DPP10: variants seen among roughly 807,000 people sequenced by gnomAD.
DPP10 encodes inactive dipeptidyl peptidase 10.
A neutral mutation model predicts 120.9 loss-of-function variants in DPP10; 33 were observed. The ratio of observed to expected loss-of-function variants is 0.27; its 90% CI spans 0.21 to 0.37. The LOEUF (loss-of-function observed/expected upper bound fraction) is 0.37, where lower values mean the gene tolerates loss of function less well. DPP10 is among the 10% of genes least tolerant of loss of function. The probability of loss-of-function intolerance (pLI) is 1.00; values close to 1 mark genes in which losing one functional copy is unlikely to be tolerated. For synonymous variants in DPP10, 337 were observed against 326.1 expected (o/e 1.03, Z -0.36); for missense variants, 816 against 942.8 (o/e 0.87, Z 1.76).
intron 3 of DPP10, among the ~76,000 whole-genome samples, chr2:115,448,459 GC>G (rs1461911001): frequency 6.6e-6 from 1 of 152,110 alleles, no homozygotes; most frequent in African/African-American, 2.4e-5. Context: ...AGCCAAGTGA[GC>G]CCCCTCCTCC....
At chr2:115,484,155 CAA>C (rs2075622954) in intron 3 of DPP10, among the ~76,000 whole-genome samples, 10 of 150,740 alleles carry the variant, frequency 6.6e-5, no homozygotes, top group African/African-American at 2.2e-4. Context: ...CCCCCACACA[CAA>C]ACACACAGGT....
chr2:115,303,012 C>T (rs1271012372), intron 1 of DPP10, among the ~76,000 whole-genome samples: 1 of 151,972 alleles, frequency 6.6e-6, no homozygotes, highest in East Asian at 1.9e-4. Context: ...TAACTGATGT[C>T]TTGTAGGAAA....
At chr2:115,739,316 G>A (rs1676968875) in intron 8 of DPP10, among the ~76,000 whole-genome samples, 1 of 151,904 alleles carries the variant, frequency 6.6e-6, no homozygotes, top group African/African-American at 2.4e-5. Context: ...TTTTCTTAGA[G>A]CTTAAAATAG....
At chr2:115,491,439 T>C (rs533840872) in intron 3 of DPP10, among the ~76,000 whole-genome samples, 9 of 152,238 alleles carry the variant, frequency 5.9e-5, no homozygotes, top group Non-Finnish European at 8.8e-5. Flanking sequence ...GAGCCCTTTC[T>C]CTTACAGACT....
chr2:115,151,474 C>T (rs1319859509), intron 1 of DPP10, among the ~76,000 whole-genome samples: 3 of 144,332 alleles, frequency 2.1e-5, no homozygotes. Flanking sequence ...ATGGTGTGAT[C>T]TCGGCTCACT....
chr2:114,941,810 C>A (rs1696921666), intron 1 of DPP10, among the ~76,000 whole-genome samples: 1 of 152,140 alleles, frequency 6.6e-6, no homozygotes, highest in South Asian at 2.1e-4. Context: ...TGTATTCATT[C>A]TGTCACACCT....
chr2:114,939,236 G>C (rs1445718286), intron 1 of DPP10, among the ~76,000 whole-genome samples: 1 of 152,220 alleles, frequency 6.6e-6, no homozygotes, highest in South Asian at 2.1e-4. Context: ...TTCATGATGA[G>C]TGGGCTGAGG....
At position 115,279,655 on chromosome 2, in the gene DPP10, C is replaced by CTTTTTTTTTTT; in HGVS notation, c.61-29567_61-29557dup. Among the ~76,000 whole-genome samples the CTTTTTTTTTTT allele has an allele frequency of 4.0e-4, 17 of 42,718 alleles. 3 individuals carry two copies. The highest frequency in any genetic ancestry group is 8.7e-4 in the African/African-American group (8 of 9,158). 28.0% of individuals were successfully genotyped at this position (42,718 alleles called of 152,430 possible). A position where few individuals can be genotyped will look rare whatever the true frequency, so the allele number is the denominator to read the frequency against. On this transcript the variant is annotated intron_variant, in intron 1 of 25. Transcript: ENST00000410059. ...TTTCTTTCTTTCTTTTTTTCTTCTT[C>CTTTTTTTTTTT]TTTTTTTTTTTTTTTTTTTTTTTTT...
At chr2:114,578,956 C>T (rs1690275668) in intron 1 of DPP10, among the ~76,000 whole-genome samples, 1 of 152,184 alleles carries the variant, frequency 6.6e-6, no homozygotes, top group South Asian at 2.1e-4. Context: ...CTAACATAGG[C>T]ATCCAGCCTC....
chr2:115,499,298 A>C (rs150735215), intron 3 of DPP10, among the ~76,000 whole-genome samples: 2 of 152,202 alleles, frequency 1.3e-5, no homozygotes, highest in Non-Finnish European at 2.9e-5. Flanking sequence ...CCCTCATACT[A>C]ACCCCTTGTT....
At chr2:115,371,075 G>T (rs759247625) in intron 3 of DPP10, among the ~76,000 whole-genome samples, 9 of 152,026 alleles carry the variant, frequency 5.9e-5, no homozygotes, top group Non-Finnish European at 1.3e-4. Context: ...TATAGTGCTG[G>T]CTACATTTAT....
At chr2:115,474,143 A>T (rs1252540303) in intron 3 of DPP10, among the ~76,000 whole-genome samples, 1 of 151,590 alleles carries the variant, frequency 6.6e-6, no homozygotes, top group Non-Finnish European at 1.5e-5. Context: ...GGCAATTATG[A>T]ACACACACTA....
At position 114,765,374 on chromosome 2, in the gene DPP10, A is replaced by G. The variant is rs577173558; in HGVS notation, c.60+322536A>G. Among the ~76,000 whole-genome samples the G allele has an allele frequency of 1.9e-4, 29 of 152,288 alleles. No individual in the cohort carries two copies. In the South Asian group the frequency reaches 4.6e-3, roughly 24 times the overall value. On this transcript the variant is annotated intron_variant, in intron 1 of 25. Transcript: ENST00000410059. ...AAAATGGTTCTGATATATCCCAAAG[A>G]GGTTATGAATTGCATCATTTACCTA...
intron 1 of DPP10, among the ~76,000 whole-genome samples, chr2:115,266,222 A>G (rs2059455254): frequency 6.6e-6 from 1 of 152,224 alleles, no homozygotes; most frequent in Admixed American, 6.5e-5. Context: ...ATTATGTATT[A>G]TATCTGAACA....
At chr2:115,468,249 T>C (rs2105143127) in intron 3 of DPP10, 2 of 508,190 alleles carry the variant, frequency 3.9e-6, no homozygotes, top group South Asian at 2.8e-5. Flanking sequence ...GCTCGTGTCA[T>C]TGTTGCCATT....
At chr2:115,686,596 C>T (rs2091001539) in intron 5 of DPP10, among the ~76,000 whole-genome samples, 1 of 151,978 alleles carries the variant, frequency 6.6e-6, no homozygotes, top group South Asian at 2.1e-4. Context: ...TCAAACTCTT[C>T]TTAGGGTTCA....
rs927299355 is a variant in DPP10 at position 114,757,811 on chromosome 2, G to A, written c.60+314973G>A. On this transcript the variant is annotated intron_variant, in intron 1 of 25. Coordinates refer to ENST00000410059, the MANE Select transcript of DPP10 (RefSeq NM_020868.6). ...TTTGCAAGCGTTTCCACGTGTTTCC[G>A]ATGTGTCCTCAAGCTTGAGAACCGC... Among the ~76,000 whole-genome samples, 8 of 152,066 alleles carry A rather than the reference G, an allele frequency of 5.3e-5. No individual in the cohort carries two copies. The East Asian group carries it at 7.7e-4, about 15-fold the overall frequency.
chr2:115,223,501 A>T (rs773339335), intron 1 of DPP10, among the ~76,000 whole-genome samples: 2 of 152,204 alleles, frequency 1.3e-5, no homozygotes, highest in Non-Finnish European at 2.9e-5. Context: ...TAAAATTTAG[A>T]TAAGACATAT....
chr2:114,675,913 C>A lies in DPP10; in HGVS notation c.60+233075C>A, dbSNP rs754308396. Among the ~76,000 whole-genome samples the A allele has an allele frequency of 1.9e-3, 283 of 152,174 alleles. 6 individuals carry two copies. The highest frequency in any genetic ancestry group is 1.4e-3 in the East Asian group (7 of 5,168). On this transcript the variant is annotated intron_variant, in intron 1 of 25. Coordinates refer to ENST00000410059, the MANE Select transcript of DPP10 (RefSeq NM_020868.6). ...CCTCCAGGTTCAAGTGATTCTCCTA[C>A]CTCAGCCTCCAGAGTAGCTGGGATT... is the stretch of plus-strand genomic sequence containing the variant.
Sources: allele counts gnomAD v4.1 joint callset (sites outside exome capture counted in the v4.1 genomes callset), GRCh38; gene constraint gnomAD v4.1.1; transcripts MANE v1.5; gene names NCBI Gene and HGNC (gene_info 2026-07-23, HGNC 2026-07-21).